PRR33: variants seen among roughly 807,000 people sequenced by gnomAD.
PRR33 encodes proline rich 33, also known as proline-rich protein 33.
In PRR33, 1 loss-of-function variant was observed where a neutral mutation model predicts 0.5. The observed-to-expected ratio is 2.18, with a 90% CI of 0.77 to 10.34. The LOEUF (loss-of-function observed/expected upper bound fraction) is 10.34, where lower values mean the gene tolerates loss of function less well. PRR33 is among the 30% of genes most tolerant of loss of function. PRR33 has a pLI of 0.13. For synonymous variants in PRR33, 226 were observed against 110.0 expected (o/e 2.06, Z -6.60); for missense variants, 552 against 251.8 (o/e 2.19, Z -8.07).
At chr11:1,889,714 T>A in the PRR33 span, 1 of 649,830 alleles carries the variant, frequency 1.5e-6, no homozygotes, top group South Asian at 1.8e-5. Flanking sequence ...AGGTGCTCTC[T>A]GCCAGGGCCC....
upstream of PRR33, among the ~76,000 whole-genome samples, chr11:1,894,699 G>A (rs1589840228): frequency 6.6e-6 from 1 of 152,122 alleles, no homozygotes; most frequent in African/African-American, 2.4e-5. Flanking sequence ...ACCCCAACCC[G>A]CTCATCTGTT....
the PRR33 span, among the ~76,000 whole-genome samples, chr11:1,905,437 T>C: frequency 9.2e-5 from 13 of 141,986 alleles, no homozygotes; most frequent in African/African-American, 1.3e-4. Context: ...TTCTCTCTTT[T>C]TTTTTTTTTT....
At chr11:1,895,021 G>A (rs538945387), upstream of PRR33, among the ~76,000 whole-genome samples, 80 of 152,356 alleles carry the variant, frequency 5.3e-4, no homozygotes, top group African/African-American at 1.7e-3. Flanking sequence ...AGCTTTGCAC[G>A]TGCTACTTCA....
the PRR33 span, chr11:1,903,261 G>A: frequency 6.6e-6 from 1 of 150,384 alleles, no homozygotes; most frequent in Admixed American, 6.7e-5. Flanking sequence ...CTACAGGTGA[G>A]TGCTACCGTG....
exon 1 of PRR33, chr11:1,889,440 T>C: frequency 1.5e-6 from 1 of 652,858 alleles, no homozygotes; most frequent in Admixed American, 2.3e-5. Flanking sequence ...GGGCACCTCC[T>C]GCTCTGTGGG....
exon 1 of PRR33, chr11:1,889,978 C>T: frequency 1.6e-6 from 1 of 637,152 alleles, no homozygotes; most frequent in Non-Finnish European, 2.9e-6. Flanking sequence ...TTGGATCCCA[C>T]TTCTGGGGCT....
At chr11:1,910,098 T>C in the PRR33 span, among the ~76,000 whole-genome samples, 1 of 152,230 alleles carries the variant, frequency 6.6e-6, no homozygotes, top group Non-Finnish European at 1.5e-5. Context: ...CATCTATGAA[T>C]ACACGACGGT....
the PRR33 span, among the ~76,000 whole-genome samples, chr11:1,914,909 GCT>G: frequency 1.7e-5 from 2 of 115,322 alleles, no homozygotes; most frequent in South Asian, 6.3e-4. Flanking sequence ...GGATGATGTT[GCT>G]CTGTGTGTGT....
At chr11:1,901,935 C>CA in the PRR33 span, among the ~76,000 whole-genome samples, 1 of 152,080 alleles carries the variant, frequency 6.6e-6, no homozygotes, top group Non-Finnish European at 1.5e-5. Flanking sequence ...AAAGTAATTG[C>CA]AAAAACCACA....
chr11:1,909,635 C>T, the PRR33 span, among the ~76,000 whole-genome samples: 1 of 151,870 alleles, frequency 6.6e-6, no homozygotes, highest in African/African-American at 2.4e-5. Flanking sequence ...CAAAAGTTAG[C>T]CAGGCATGGC....
exon 1 of PRR33, chr11:1,890,384 G>A (rs1161148185): frequency 8.4e-6 from 6 of 716,836 alleles, no homozygotes; most frequent in Non-Finnish European, 1.6e-5. Context: ...CACTCACGGG[G>A]GACAGGGAGG....
At chr11:1,903,853 A>C in the PRR33 span, among the ~76,000 whole-genome samples, 1 of 152,316 alleles carries the variant, frequency 6.6e-6, no homozygotes, top group South Asian at 2.1e-4. Context: ...CATCCTTGTG[A>C]ATGTCCAAAA....
chr11:1,916,604 T>C, the PRR33 span, among the ~76,000 whole-genome samples: 3 of 151,830 alleles, frequency 2.0e-5, no homozygotes, highest in Admixed American at 6.5e-5. Flanking sequence ...GGGTGCAGAG[T>C]GGACAGCACC....
exon 1 of PRR33, chr11:1,888,940 C>T (rs912063398): frequency 2.1e-6 from 1 of 486,560 alleles, no homozygotes; most frequent in Admixed American, 3.8e-5. Flanking sequence ...TCCAGCTCGT[C>T]CTCTCTGCCC....
the PRR33 span, among the ~76,000 whole-genome samples, chr11:1,914,134 G>T: frequency 6.6e-6 from 1 of 152,276 alleles, no homozygotes; most frequent in Non-Finnish European, 1.5e-5. Context: ...GCGCAGCGTA[G>T]CTGAGACTCC....
At chr11:1,904,700 G>T in the PRR33 span, among the ~76,000 whole-genome samples, 2 of 151,426 alleles carry the variant, frequency 1.3e-5, no homozygotes, top group Admixed American at 6.6e-5. Flanking sequence ...TACAGATGGG[G>T]GTCTCACTAT....
chr11:1,889,939 G>A, exon 1 of PRR33: 1 of 631,090 alleles, frequency 1.6e-6, no homozygotes, highest in Non-Finnish European at 2.9e-6. Flanking sequence ...GCCCTGGGGG[G>A]ACTTGGGGTG....
upstream of PRR33, among the ~76,000 whole-genome samples, chr11:1,893,482 T>C (rs1849075662): frequency 6.7e-6 from 1 of 150,140 alleles, no homozygotes; most frequent in African/African-American, 2.5e-5. Flanking sequence ...AGTGAATGGA[T>C]AGGTGGATGG....
At chr11:1,888,885 G>C (rs74047636) in exon 1 of PRR33, 4 of 408,672 alleles carry the variant, frequency 9.8e-6, no homozygotes, top group Admixed American at 4.0e-5. Context: ...ACATCCCGAC[G>C]CAGACCCCTT....
Sources: allele counts gnomAD v4.1 joint callset (sites outside exome capture counted in the v4.1 genomes callset), GRCh38; gene constraint gnomAD v4.1.1; transcripts MANE v1.5; gene names NCBI Gene and HGNC (gene_info 2026-07-23, HGNC 2026-07-21).